The following LLGL1 variants were observed in gnomAD, a reference collection of about 807,000 sequenced individuals.
LLGL1 encodes the protein lethal(2) giant larvae protein homolog 1.
LLGL1 carries 58 observed loss-of-function variants against 110.6 expected under a neutral mutation model. The ratio of observed to expected loss-of-function variants is 0.52; its 90% confidence interval spans 0.42 to 0.65. The LOEUF is 0.65. Ranked by LOEUF, LLGL1 falls within the 30% of genes least tolerant of loss-of-function variation. LLGL1 has a pLI of 0.00. For synonymous variants in LLGL1, 674 were observed against 607.2 expected (o/e 1.11, Z -1.62); for missense variants, 1,229 against 1,462.1 (o/e 0.84, Z 2.60).
chr17:18,243,498 G>A (rs2047901025), intron 22 of LLGL1, among the ~76,000 whole-genome samples: 1 of 152,242 alleles, frequency 6.6e-6, no homozygotes. Flanking sequence ...GATCACTGAG[G>A]TGCACGAGGT....
At chr17:18,226,748 G>C (rs2047452889) in intron 1 of LLGL1, among the ~76,000 whole-genome samples, 1 of 152,214 alleles carries the variant, frequency 6.6e-6, no homozygotes, top group Non-Finnish European at 1.5e-5. Context: ...CCAGGGAAAG[G>C]GGCCGCCTCA....
rs1340548006 is a variant in LLGL1, at chr17:18,235,326, T to C, written c.1284+14T>C. Reference sequence around the variant, plus strand: ...TCCAGTGCCTTGGTGTGTGCGGCGATCAGGGGGGTCTTACAGGGTGGAGTC... The same window carrying C: ...TCCAGTGCCTTGGTGTGTGCGGCGACCAGGGGGGTCTTACAGGGTGGAGTC... On this transcript the variant is annotated intron_variant, in intron 10 of 22. Transcript: ENST00000316843. 8.1e-6 allele frequency: 13 copies of C among 1,609,558 alleles called. No homozygotes were observed. Among genetic ancestry groups the C allele is most frequent in the South Asian group, 1.1e-5 (1 of 91,044 alleles).
In LLGL1 at chr17:18,241,640, C is replaced by T; in HGVS notation, c.2692C>T (p.Gln898Ter). 1 of 1,613,758 alleles carries T rather than the reference C, an allele frequency of 6.2e-7. No homozygotes were observed. Among genetic ancestry groups the T allele is most frequent in the Non-Finnish European group, 8.5e-7 (1 of 1,180,032 alleles). ...HVFSVPGLRP[Q>*]VHYSCIRKED... ...CTTCTCGGTGCCTGGCCTGCGGCCC[C>T]AGGTGCACTATTCCTGCATCCGGAA... The change falls in exon 18 of 23, where the codon CAG becomes TAG. Residue 898 changes from glutamine to a stop codon, truncating the protein, a stop_gained. Coordinates refer to ENST00000316843, the MANE Select transcript of LLGL1 (RefSeq NM_004140.4). LOFTEE classifies it high-confidence loss of function.
Position 18,240,822 on chromosome 17 carries a change from T to C in LLGL1, c.2451T>C (p.Pro817=). Reference sequence around the variant, plus strand: ...CCTCACGGGACCTGGCGCAGGCACCTGACATGCAGGGTGGTCACGCTGTGC... The same window carrying C: ...CCTCACGGGACCTGGCGCAGGCACCCGACATGCAGGGTGGTCACGCTGTGC... The part of the protein sequence containing the change: ...YEASRDLAQA[P]DMQGGHAVLI... The change falls in exon 17 of 23, where the codon CCT becomes CCC. Residue 817 remains proline, a synonymous_variant. Transcript: ENST00000316843. The surrounding 1 kb of genome is among the most constrained non-coding windows in gnomAD (Gnocchi z 5.3). 1.9e-6 allele frequency: 3 copies of C among 1,571,922 alleles called. No individual in the cohort carries two copies.
In LLGL1 at chr17:18,242,559, C is replaced by T. The variant is rs1245605334; in HGVS notation, c.3047C>T (p.Ala1016Val). ...AALSPMSIDS[A>V]TSADTTLDTT... The stretch of plus-strand genomic sequence containing the variant: ...CTCTCACCCATGTCCATCGACTCAG[C>T]CACCAGTGCTGACACCACGCTGGAC... The change falls in exon 21 of 23, where the codon GCC becomes GTC. Residue 1016 changes from alanine (A) to valine (V), a missense_variant. Ala to Val is a moderately conservative substitution (Grantham distance 64). Transcript: ENST00000316843. 1.2e-6 allele frequency: 2 copies of T among 1,614,146 alleles called. No homozygotes were observed. Among genetic ancestry groups the T allele is most frequent in the Non-Finnish European group, 1.7e-6 (2 of 1,179,984 alleles).
intron 22 of LLGL1, among the ~76,000 whole-genome samples, 158 bp downstream of exon 22, chr17:18,242,980 T>C (rs983343398): frequency 6.6e-5 from 10 of 152,230 alleles, no homozygotes; most frequent in African/African-American, 1.4e-4. Context: ...AGTGCCTCAA[T>C]TGGGGACTTC....
rs771212839 is a variant in LLGL1, at chr17:18,242,643, C to T, written c.3116+15C>T. Reference sequence around the variant, plus strand: ...GATTTCCTGGGGTGAGGCTGGTGGGCAGGTCCACAGGGGGGGCTGCCCTGT... The same window carrying T: ...GATTTCCTGGGGTGAGGCTGGTGGGTAGGTCCACAGGGGGGGCTGCCCTGT... On this transcript the variant is annotated intron_variant, in intron 21 of 22. Coordinates refer to ENST00000316843, the MANE Select transcript of LLGL1 (RefSeq NM_004140.4). 1.0e-5 allele frequency: 16 copies of T among 1,596,452 alleles called. No individual in the cohort carries two copies. In the Admixed American group the frequency reaches 2.8e-4, roughly 28 times the overall value.
In LLGL1 at chr17:18,236,467, T is replaced by C. The variant is rs2047696053; in HGVS notation, c.1353-140T>C. On this transcript the variant is annotated intron_variant, in intron 11 of 22. Coordinates refer to ENST00000316843, the MANE Select transcript of LLGL1 (RefSeq NM_004140.4). ...TGTGCTGTCTACAGTAGGTGCCTAT[T>C]GTTTTTTGTAAAAGTAGGATTCCGG... The C allele has an allele frequency of 3.7e-6, 3 of 814,108 alleles. No homozygotes were observed. In the Admixed American group the frequency reaches 7.0e-5, roughly 19 times the overall value. 50.4% of individuals were successfully genotyped at this position (814,108 alleles called of 1,614,324 possible).
chr17:18,233,834 TAGC>T lies in LLGL1; in HGVS notation c.453_455del (p.Ala152del), dbSNP rs1210273736. 6.2e-6 allele frequency: 10 copies of T among 1,613,636 alleles called. No individual in the cohort carries two copies. Among genetic ancestry groups the T allele is most frequent in the South Asian group, 2.2e-5 (2 of 91,088 alleles). ...GTCCTGCTGGTGGCTGCCAGCGACA[TAGC>T]AGCCCTGGGCACTGAGGGCAGCAGT... On this transcript the variant is annotated inframe_deletion, in exon 5 of 23. Coordinates refer to ENST00000316843, the MANE Select transcript of LLGL1 (RefSeq NM_004140.4).
chr17:18,240,802 C>A lies in LLGL1; in HGVS notation c.2431C>A (p.Arg811=), dbSNP rs368288709. The change falls in exon 17 of 23, where the codon CGG becomes AGG. Residue 811 remains arginine, a synonymous_variant. Coordinates refer to ENST00000316843, the MANE Select transcript of LLGL1 (RefSeq NM_004140.4). This position sits in a 1 kb window ranked among gnomAD's most constrained non-coding sequence, Gnocchi z 5.3. The part of the protein sequence containing the change: ...RPLPEPYEAS[R]DLAQAPDMQG... ...ACTGCCCGAGCCCTACGAGGCCTCA[C>A]GGGACCTGGCGCAGGCACCTGACAT... is the stretch of plus-strand genomic sequence containing the variant. 92 of 1,583,708 alleles carry A rather than the reference C, an allele frequency of 5.8e-5. No homozygotes were observed. Among genetic ancestry groups the A allele is most frequent in the Non-Finnish European group, 7.1e-5 (83 of 1,162,884 alleles).
At chr17:18,237,925 A>G in intron 14 of LLGL1, 142 bp from the exon 15 acceptor site, 1 of 1,275,280 alleles carries the variant, frequency 7.8e-7, no homozygotes, top group Non-Finnish European at 1.1e-6. Context: ...GGACATTCTC[A>G]GTACCACCTG....
Position 18,238,515 on chromosome 17 carries a change from G to A in LLGL1, c.2112G>A (p.Thr704=), listed in dbSNP as rs1063687. Residue 704 remains threonine, a synonymous_variant, in exon 16 of 23, where the codon ACG becomes ACA. Transcript: ENST00000316843. The part of the protein sequence containing the change: ...EQACPHDVEM[T]PVQRRIEPRS... ...CCTGCCCCCACGACGTGGAGATGACGCCCGTGCAGCGCCGCATTGAGCCCC... is the reference window on the plus strand; with the variant it reads ...CCTGCCCCCACGACGTGGAGATGACACCCGTGCAGCGCCGCATTGAGCCCC... 5.1e-5 allele frequency: 82 copies of A among 1,612,496 alleles called. No homozygotes were observed. The highest frequency in any genetic ancestry group is 6.7e-5 in the African/African-American group (5 of 74,928).
At position 18,241,468 on chromosome 17, in the gene LLGL1, G is replaced by A; in HGVS notation, c.2520G>A (p.Lys840=). Residue 840 remains lysine (K), a synonymous_variant, in exon 18 of 23, where the codon AAG becomes AAA. Transcript: ENST00000316843. Reference sequence around the variant, plus strand: ...GCTGTCAGGTGTTCACACTGCCCAAGGTGAGCGCGAAGACCAAGTTCAAGC... The same window carrying A: ...GCTGTCAGGTGTTCACACTGCCCAAAGTGAGCGCGAAGACCAAGTTCAAGC... ...EEQFKVFTLP[K]VSAKTKFKLT... is the part of the protein sequence containing the mutation. The A allele has an allele frequency of 1.2e-6, 2 of 1,613,216 alleles. No individual in the cohort carries two copies. Among genetic ancestry groups the A allele is most frequent in the Admixed American group, 1.7e-5 (1 of 59,992 alleles).
intron 22 of LLGL1, 96 bp downstream of exon 22, chr17:18,242,918 C>T (rs1486040528): frequency 2.6e-6 from 3 of 1,166,230 alleles, no homozygotes; most frequent in Non-Finnish European, 3.6e-6. Flanking sequence ...CTACCTGAGA[C>T]CCTGGCAGGC....
chr17:18,235,486 G>A lies in LLGL1; in HGVS notation c.1301G>A (p.Gly434Glu). The change falls in exon 11 of 23, where the codon GGG (glycine) becomes GAG (glutamate). Residue 434 changes from glycine (G) to glutamate (E), a missense_variant. Physicochemically the swap from Gly to Glu is moderately conservative, Grantham distance 98. Transcript: ENST00000316843. ...CCCTCCCAGAGCTGGCCCATCACTGGGGGCCGAAACCTGGCCCAGGAGCCG... is the reference window on the plus strand; with the variant it reads ...CCCTCCCAGAGCTGGCCCATCACTGAGGGCCGAAACCTGGCCCAGGAGCCG... ...VSSALSWPIT[G>E]GRNLAQEPSQ... 3.1e-6 allele frequency: 5 copies of A among 1,614,070 alleles called. No individual in the cohort carries two copies. Among genetic ancestry groups the A allele is most frequent in the Non-Finnish European group, 3.4e-6 (4 of 1,180,012 alleles).
At chr17:18,225,908 G>T (rs2047427914) in intron 1 of LLGL1, 145 bp downstream of exon 1, 1 of 198,046 alleles carries the variant, frequency 5.0e-6, no homozygotes, top group Non-Finnish European at 9.0e-6. Flanking sequence ...GCCGGGCCGC[G>T]CACCCCCTCG....
At chr17:18,237,853 T>G in intron 14 of LLGL1, 80 bp downstream of exon 14, 4 of 1,483,168 alleles carry the variant, frequency 2.7e-6, no homozygotes, top group Non-Finnish European at 3.6e-6. Context: ...CTCTAGTGTT[T>G]GGTGTGGCAA....
At chr17:18,239,426 C>G (rs2746029) in intron 16 of LLGL1, among the ~76,000 whole-genome samples, 58,283 of 151,974 alleles carry the variant, frequency 0.38, 11,696 homozygotes, top group East Asian at 0.6. Context: ...TAGAGAGGTG[C>G]AAAGTTGTCC....
Position 18,238,570 on chromosome 17 carries a change from G to T in LLGL1, c.2167G>T (p.Val723Leu). 1 of 1,612,936 alleles carries T rather than the reference G, an allele frequency of 6.2e-7. No individual in the cohort carries two copies. The highest frequency in any genetic ancestry group is 8.5e-7 in the Non-Finnish European group (1 of 1,180,002). Reference protein sequence around the residue: ...RSADDSLSGVVRCLYFADTFL... With the variant: ...RSADDSLSGVLRCLYFADTFL... ...TGCCGATGACTCCTTGTCGGGTGTCGTGCGTTGCCTATACTTTGCCGACAC... is the reference window on the plus strand; with the variant it reads ...TGCCGATGACTCCTTGTCGGGTGTCTTGCGTTGCCTATACTTTGCCGACAC... Residue 723 changes from valine (V) to leucine (L), a missense_variant, in exon 16 of 23, where the codon GTG (valine) becomes TTG (leucine). Coordinates refer to ENST00000316843, the MANE Select transcript of LLGL1 (RefSeq NM_004140.4).
Sources: gnomAD v4.1 joint callset for allele counts (sites outside exome capture counted in the v4.1 genomes callset) on GRCh38, gnomAD v4.1.1 for gene constraint, Gnocchi (gnomAD v3.1) non-coding constraint, MANE v1.5 for transcripts, NCBI Gene and HGNC (gene_info 2026-07-23, HGNC 2026-07-21) for gene names.